SPOCK3: variants seen among roughly 807,000 people sequenced by gnomAD.
SPOCK3 encodes the protein SPARC (osteonectin), cwcv and kazal like domains proteoglycan 3.
Under a neutral mutation model 56.6 loss-of-function variants are expected in SPOCK3, and 30 were observed. The ratio of observed to expected loss-of-function variants is 0.53; its 90% CI spans 0.40 to 0.72. The LOEUF is 0.72. SPOCK3 is among the 30% of genes least tolerant of loss of function. SPOCK3 has a pLI of 0.00. For synonymous variants in SPOCK3, 196 were observed against 183.3 expected, an observed-to-expected ratio of 1.07 and a Z score of -0.56; for missense variants, 527 against 530.0, an observed-to-expected ratio of 0.99 and a Z score of 0.06.
At chr4:167,223,178 A>T (rs1190376319) in intron 2 of SPOCK3, among the ~76,000 whole-genome samples, 5 of 130,112 alleles carry the variant, frequency 3.8e-5, no homozygotes, top group Admixed American at 8.3e-5. Context: ...AATATATAAT[A>T]TATATTTTAT....
At chr4:167,026,334 A>C (rs1751695451) in intron 3 of SPOCK3, among the ~76,000 whole-genome samples, 1 of 152,110 alleles carries the variant, frequency 6.6e-6, no homozygotes, top group African/African-American at 2.4e-5. Context: ...CTATTTCACA[A>C]GAAATTCTTC....
intron 2 of SPOCK3, among the ~76,000 whole-genome samples, chr4:167,203,372 G>T (rs867923407): frequency 2.6e-5 from 4 of 151,712 alleles, no homozygotes; most frequent in Middle Eastern, 3.2e-3. Flanking sequence ...TTTAATTGTG[G>T]TAGAGACTTT....
intron 2 of SPOCK3, among the ~76,000 whole-genome samples, chr4:167,168,592 T>G (rs1191689056): frequency 1.3e-5 from 2 of 152,030 alleles, no homozygotes; most frequent in Non-Finnish European, 1.5e-5. Flanking sequence ...TTGAGAGAGA[T>G]GATCTGAAAT....
At chr4:167,108,524 G>A (rs895674755) in intron 2 of SPOCK3, among the ~76,000 whole-genome samples, 2 of 151,860 alleles carry the variant, frequency 1.3e-5, no homozygotes, top group Non-Finnish European at 2.9e-5. Flanking sequence ...GGAACTAGAG[G>A]TCATTATGTT....
intron 2 of SPOCK3, among the ~76,000 whole-genome samples, chr4:167,183,799 T>G (rs996945190): frequency 6.6e-6 from 1 of 152,102 alleles, no homozygotes; most frequent in Non-Finnish European, 1.5e-5. Flanking sequence ...ATGAGAACAA[T>G]GACAGCAAAT....
chr4:166,767,046 A>G (rs1738183578), intron 7 of SPOCK3, among the ~76,000 whole-genome samples: 1 of 152,030 alleles, frequency 6.6e-6, no homozygotes, highest in African/African-American at 2.4e-5. Context: ...CCCCTTTATC[A>G]TTGTTTATTG....
chr4:167,016,622 C>A (rs1019175662), intron 3 of SPOCK3, among the ~76,000 whole-genome samples: 3 of 151,386 alleles, frequency 2.0e-5, no homozygotes, highest in African/African-American at 7.3e-5. Flanking sequence ...CTCATTGCAA[C>A]ATTTGCCTCC....
At chr4:166,845,031 G>C (rs1747910888) in intron 6 of SPOCK3, among the ~76,000 whole-genome samples, 1 of 152,158 alleles carries the variant, frequency 6.6e-6, no homozygotes, top group Admixed American at 6.5e-5. Flanking sequence ...GTTAATAGGT[G>C]TAACCTAGTA....
intron 6 of SPOCK3, among the ~76,000 whole-genome samples, chr4:166,834,530 T>C (rs565939524): frequency 6.6e-6 from 1 of 152,370 alleles, no homozygotes; most frequent in African/African-American, 2.4e-5. Context: ...ATTGTTCTTC[T>C]AGCGCTTTCT....
chr4:167,159,991 T>G (rs1319833435), intron 2 of SPOCK3, among the ~76,000 whole-genome samples: 2 of 152,160 alleles, frequency 1.3e-5, no homozygotes, highest in African/African-American at 4.8e-5. Context: ...AAGACAGGGA[T>G]GCCCTCTCTC....
At chr4:167,017,467 G>A (rs1275806131) in intron 3 of SPOCK3, among the ~76,000 whole-genome samples, 1 of 152,088 alleles carries the variant, frequency 6.6e-6, no homozygotes, top group East Asian at 1.9e-4. Flanking sequence ...TCTCCAGAGT[G>A]GAGTAGAGCC....
At chr4:166,825,815 C>T (rs1745400379) in intron 6 of SPOCK3, among the ~76,000 whole-genome samples, 1 of 152,038 alleles carries the variant, frequency 6.6e-6, no homozygotes, top group South Asian at 2.1e-4. Context: ...ATTGTATGTT[C>T]TCACTTATAA....
At chr4:167,082,068 C>T (rs1201795764) in intron 2 of SPOCK3, among the ~76,000 whole-genome samples, 1 of 152,106 alleles carries the variant, frequency 6.6e-6, no homozygotes, top group Non-Finnish European at 1.5e-5. Context: ...CCAAATCTCA[C>T]AAATACATCA....
At position 166,991,526 on chromosome 4, in the gene SPOCK3, C is replaced by T. The variant is rs181178286; in HGVS notation, c.350+8823G>A. Among the ~76,000 whole-genome samples the T allele has an allele frequency of 6.7e-4, 102 of 151,858 alleles. 1 individual carries two copies. In the East Asian group the frequency reaches 0.013, roughly 19 times the overall value. ...CTGGGATTACAGGCATGCGCCACAA[C>T]ACCCTGCTAATTTTTGTATTTTTAG... is the stretch of plus-strand genomic sequence containing the variant. On this transcript the variant is annotated intron_variant, in intron 4 of 10. Transcript: ENST00000357545.
chr4:167,049,661 G>T (rs1257498129), intron 3 of SPOCK3, among the ~76,000 whole-genome samples: 3 of 152,080 alleles, frequency 2.0e-5, no homozygotes, highest in Non-Finnish European at 4.4e-5. Context: ...TCAGATGAAT[G>T]CTAAATCTAT....
chr4:167,161,825 G>A (rs1417020068), intron 2 of SPOCK3, among the ~76,000 whole-genome samples: 1 of 146,664 alleles, frequency 6.8e-6, no homozygotes, highest in Non-Finnish European at 1.5e-5. Flanking sequence ...TCACTCATAG[G>A]TGGGAATTGA....
intron 8 of SPOCK3, among the ~76,000 whole-genome samples, chr4:166,742,675 G>A (rs898632594): frequency 6.6e-6 from 1 of 151,964 alleles, no homozygotes; most frequent in African/African-American, 2.4e-5. Context: ...ATGCAATTTA[G>A]GAACAGGATA....
chr4:167,156,891 G>C (rs904505476), intron 2 of SPOCK3, among the ~76,000 whole-genome samples: 2 of 152,084 alleles, frequency 1.3e-5, no homozygotes, highest in Non-Finnish European at 1.5e-5. Flanking sequence ...ACTGGAATTA[G>C]GCCAAACAAT....
At chr4:166,765,269 T>C (rs921445653) in intron 7 of SPOCK3, among the ~76,000 whole-genome samples, 4 of 152,352 alleles carry the variant, frequency 2.6e-5, no homozygotes, top group Middle Eastern at 3.4e-3. Flanking sequence ...CCCATGCCTA[T>C]GTCCTGAATG....
Sources: gnomAD v4.1 joint callset for allele counts (sites outside exome capture counted in the v4.1 genomes callset) on GRCh38, gnomAD v4.1.1 for gene constraint, MANE v1.5 for transcripts, NCBI Gene and HGNC (gene_info 2026-07-23, HGNC 2026-07-21) for gene names.